FOCAD: variants seen among roughly 807,000 people sequenced by gnomAD.
FOCAD encodes the protein KIAA1797.
In FOCAD, 198 loss-of-function variants were observed where a neutral mutation model predicts 225.6. The ratio of observed to expected loss-of-function variants is 0.88; its 90% CI spans 0.78 to 0.99. The LOEUF (loss-of-function observed/expected upper bound fraction) is 0.99. FOCAD is among the 50% of genes least tolerant of loss of function. The pLI is 0.00. For missense variants in FOCAD, 2,713 were observed against 2,123.6 expected, an observed-to-expected ratio of 1.28 and a Z score of -5.46; for synonymous variants, 897 against 755.0, an observed-to-expected ratio of 1.19 and a Z score of -3.08.
chr9:20,928,246 C>T (rs1458119569), intron 26 of FOCAD, among the ~76,000 whole-genome samples: 1 of 152,066 alleles, frequency 6.6e-6, no homozygotes, highest in Non-Finnish European at 1.5e-5. Context: ...TGAGGTTTTG[C>T]ATTACCATAC....
chr9:20,941,756 A>G (rs1286684381), intron 28 of FOCAD, among the ~76,000 whole-genome samples: 2 of 152,210 alleles, frequency 1.3e-5, no homozygotes, highest in African/African-American at 2.4e-5. Context: ...CATACCCAAT[A>G]TTATAATTTG....
chr9:20,991,796 G>A (rs1279042819), intron 42 of FOCAD, among the ~76,000 whole-genome samples: 1 of 117,118 alleles, frequency 8.5e-6, no homozygotes, highest in Non-Finnish European at 1.6e-5. Flanking sequence ...CTGGCTGACA[G>A]ATTGAGACTC....
intron 19 of FOCAD, 50 bp downstream of exon 19, chr9:20,874,857 T>C (rs1830103015): frequency 6.2e-7 from 1 of 1,607,100 alleles, no homozygotes; most frequent in Admixed American, 1.7e-5. Context: ...GTGGTTCGAT[T>C]TGTCTGATTG....
intron 43 of FOCAD, among the ~76,000 whole-genome samples, chr9:20,995,324 C>T (rs1430093562): frequency 6.7e-6 from 1 of 150,200 alleles, no homozygotes; most frequent in South Asian, 2.1e-4. Flanking sequence ...CATTTTAATT[C>T]TGCAGAATTT....
At chr9:20,831,358 A>C (rs1003023423) in intron 15 of FOCAD, among the ~76,000 whole-genome samples, 4 of 152,128 alleles carry the variant, frequency 2.6e-5, no homozygotes, top group Non-Finnish European at 5.9e-5. Flanking sequence ...TGCAACAACA[A>C]ACATGAGGTA....
At chr9:20,836,868 G>A (rs371220241) in intron 15 of FOCAD, among the ~76,000 whole-genome samples, 13 of 152,072 alleles carry the variant, frequency 8.5e-5, no homozygotes, top group African/African-American at 3.1e-4. Context: ...AAACAATTAT[G>A]TTGACTGCTC....
chr9:20,926,202 C>CT (rs1834928400), intron 25 of FOCAD, 99 bp from the exon 26 acceptor site: 1 of 730,154 alleles, frequency 1.4e-6, no homozygotes, highest in Non-Finnish European at 2.3e-6. Context: ...GATAACAGCA[C>CT]TTTATTGTTT....
At chr9:20,793,191 G>A (rs1195146983) in intron 11 of FOCAD, among the ~76,000 whole-genome samples, 1 of 152,094 alleles carries the variant, frequency 6.6e-6, no homozygotes, top group Non-Finnish European at 1.5e-5. Flanking sequence ...CCATAGCATC[G>A]ATTATGCCTG....
chr9:20,902,650 C>G (rs909694060), intron 21 of FOCAD, among the ~76,000 whole-genome samples: 4 of 151,832 alleles, frequency 2.6e-5, no homozygotes, highest in Non-Finnish European at 4.4e-5. Context: ...AGATCAGTTA[C>G]TAGATCATAG....
chr9:20,877,122 A>T (rs1205518893), intron 19 of FOCAD, among the ~76,000 whole-genome samples: 1 of 132,390 alleles, frequency 7.6e-6, no homozygotes, highest in Non-Finnish European at 1.6e-5. Context: ...CAATATTACT[A>T]ACTTAAACTA....
intron 4 of FOCAD, among the ~76,000 whole-genome samples, chr9:20,722,778 C>A (rs921448306): frequency 8.5e-5 from 13 of 152,124 alleles, no homozygotes; most frequent in African/African-American, 3.1e-4. Context: ...ATTGGTTGAT[C>A]TTGTGCAAGC....
intron 10 of FOCAD, among the ~76,000 whole-genome samples, chr9:20,782,688 A>C (rs1001605916): frequency 6.6e-5 from 10 of 152,234 alleles, no homozygotes; most frequent in African/African-American, 1.9e-4. Context: ...TGAATAAGAT[A>C]AAGCTGGTGA....
chr9:20,660,968 A>G (rs1304352099), intron 2 of FOCAD, among the ~76,000 whole-genome samples: 1 of 152,192 alleles, frequency 6.6e-6, no homozygotes, highest in Non-Finnish European at 1.5e-5. Flanking sequence ...GAGTGGTTGA[A>G]CATGTTCATA....
intron 19 of FOCAD, chr9:20,875,655 T>C (rs1830169581): frequency 6.6e-6 from 1 of 151,944 alleles, no homozygotes; most frequent in African/African-American, 2.4e-5. Flanking sequence ...TCTATATGTA[T>C]ATTGTGTTTA....
chr9:20,741,298 A>G (rs1586985977), intron 5 of FOCAD, among the ~76,000 whole-genome samples: 1 of 152,150 alleles, frequency 6.6e-6, no homozygotes, highest in East Asian at 1.9e-4. Context: ...AGGGGTGTCT[A>G]TCACTTACCT....
At chr9:20,771,275 G>T (rs886973209) in intron 8 of FOCAD, among the ~76,000 whole-genome samples, 20 of 152,288 alleles carry the variant, frequency 1.3e-4, no homozygotes, top group African/African-American at 4.6e-4. Flanking sequence ...ACACAAATGA[G>T]TTTACATTTT....
At chr9:20,819,997 G>T (rs1160166166) in intron 12 of FOCAD, 97 bp downstream of exon 12, 3 of 701,098 alleles carry the variant, frequency 4.3e-6, no homozygotes, top group Non-Finnish European at 7.1e-6. Flanking sequence ...CCTAAATTTT[G>T]CCATAGTCAC....
At chr9:20,729,622 T>C (rs1335240699) in intron 4 of FOCAD, among the ~76,000 whole-genome samples, 2 of 152,180 alleles carry the variant, frequency 1.3e-5, no homozygotes, top group Admixed American at 6.5e-5. Context: ...GGATCACTTA[T>C]ACAGTAACCA....
Position 20,978,265 on chromosome 9 carries a change from T to C in FOCAD, c.4262-74T>C, listed in dbSNP as rs1431274386. 5.6e-6 allele frequency: 5 copies of C among 888,432 alleles called. No homozygotes were observed. In the African/African-American group the frequency reaches 6.9e-5, roughly 12 times the overall value. 55.0% of individuals were successfully genotyped at this position (888,432 alleles called of 1,614,324 possible). On this transcript the variant is annotated intron_variant, in intron 36 of 43. Transcript: ENST00000338382. ...AAGTCACATAAGCAGATGCTTTGAT[T>C]TGAGATATTAAAGCCTGAAAATGAG...
Sources: allele counts gnomAD v4.1 joint callset (sites outside exome capture counted in the v4.1 genomes callset), GRCh38; gene constraint gnomAD v4.1.1; transcripts MANE v1.5; gene names NCBI Gene and HGNC (gene_info 2026-07-23, HGNC 2026-07-21).